PCDH15: variants seen among roughly 807,000 people sequenced by gnomAD.
PCDH15 encodes protocadherin related 15, also known as protocadherin-15.
PCDH15 carries 129 observed loss-of-function variants against 178.5 expected under a neutral mutation model. That is an observed-to-expected ratio of 0.72 (90% confidence interval 0.63 to 0.84). The LOEUF (loss-of-function observed/expected upper bound fraction) is 0.84, where lower values mean the gene tolerates loss of function less well. Among genes scored for constraint, PCDH15 ranks in the 40% least tolerant of loss-of-function variants. The pLI, the probability that PCDH15 is intolerant of heterozygous loss-of-function variation, is 0.00. For synonymous variants in PCDH15, 800 were observed against 732.0 expected, an observed-to-expected ratio of 1.09 and a Z score of -1.50; for missense variants, 2,230 against 2,099.9, an observed-to-expected ratio of 1.06 and a Z score of -1.21.
intron 3 of PCDH15, among the ~76,000 whole-genome samples, chr10:54,390,811 C>T (rs1453466376): frequency 6.6e-6 from 1 of 152,094 alleles, no homozygotes; most frequent in Admixed American, 6.5e-5. Flanking sequence ...GTGAGAGGGT[C>T]TATGTTCACT....
chr10:54,734,722 A>G (rs1490144863), intron 1 of PCDH15, among the ~76,000 whole-genome samples: 1 of 152,004 alleles, frequency 6.6e-6, no homozygotes, highest in Non-Finnish European at 1.5e-5. Flanking sequence ...TTGAGTGGTA[A>G]AAAAAGAACG....
At chr10:55,185,888 C>T (rs991650827) in intron 1 of PCDH15, among the ~76,000 whole-genome samples, 1 of 151,586 alleles carries the variant, frequency 6.6e-6, no homozygotes, top group Non-Finnish European at 1.5e-5. Flanking sequence ...AATATTTATA[C>T]ATTTGAATAT....
intron 18 of PCDH15, among the ~76,000 whole-genome samples, chr10:54,051,184 A>T (rs1370307893): frequency 6.6e-6 from 1 of 152,194 alleles, no homozygotes; most frequent in African/African-American, 2.4e-5. Context: ...TTGGTACCAC[A>T]GAAAGTAGGG....
chr10:53,811,714 A>G, intron 35 of PCDH15, 95 bp from the exon 36 acceptor site: 4 of 663,362 alleles, frequency 6.0e-6, no homozygotes, highest in South Asian at 2.8e-5. Flanking sequence ...CATGATTCTC[A>G]AAACATTCCT....
chr10:55,498,703 T>TA (rs1056604650), intron 2 of PCDH15, among the ~76,000 whole-genome samples: 97 of 151,968 alleles, frequency 6.4e-4, no homozygotes, highest in African/African-American at 2.3e-3. Context: ...ACCTGAACCT[T>TA]AAAGCAGAAA....
chr10:54,709,714 C>A (rs1471722561), intron 1 of PCDH15, among the ~76,000 whole-genome samples: 1 of 143,710 alleles, frequency 7.0e-6, no homozygotes, highest in Non-Finnish European at 1.5e-5. Flanking sequence ...ATTATTTATG[C>A]AGGACATATC....
At chr10:55,099,900 CA>C (rs1842536415) in intron 2 of PCDH15, among the ~76,000 whole-genome samples, 1 of 151,964 alleles carries the variant, frequency 6.6e-6, no homozygotes, top group African/African-American at 2.4e-5. Flanking sequence ...ACATATAAAA[CA>C]AACAGAAGAG....
Position 55,324,758 on chromosome 10 carries a change from A to T in PCDH15, c.-155-158107T>A, listed in dbSNP as rs546309994. ...ATAGACCAAATAGACATCTACAGAAATCTAAAGAGAGAAAGTCAAACTATC... is the reference window on the plus strand; with the variant it reads ...ATAGACCAAATAGACATCTACAGAATTCTAAAGAGAGAAAGTCAAACTATC... On this transcript the variant is annotated intron_variant, in intron 2 of 5. Coordinates refer to the PCDH15 transcript ENST00000613346. 2.4e-4 allele frequency among the ~76,000 whole-genome samples: 36 copies of T among 152,262 alleles called. No homozygotes were observed. The South Asian group carries it at 7.0e-3, about 30-fold the overall frequency.
At chr10:55,510,045 T>C (rs2132150290) in intron 2 of PCDH15, among the ~76,000 whole-genome samples, 1 of 152,122 alleles carries the variant, frequency 6.6e-6, no homozygotes, top group East Asian at 1.9e-4. Flanking sequence ...ACTATGACTT[T>C]TGCTTCTCAT....
At chr10:54,833,776 A>C (rs1953266188) in intron 3 of PCDH15, among the ~76,000 whole-genome samples, 1 of 152,122 alleles carries the variant, frequency 6.6e-6, no homozygotes, top group African/African-American at 2.4e-5. Flanking sequence ...ATTCACAGTC[A>C]ATATATTGTG....
At chr10:54,889,517 ATGATC>A in intron 3 of PCDH15, among the ~76,000 whole-genome samples, 1 of 148,778 alleles carries the variant, frequency 6.7e-6, no homozygotes, top group Admixed American at 6.7e-5. Flanking sequence ...ATATATATAT[ATGATC>A]TATATATACA....
chr10:55,562,626 A>T (rs1378574837), intron 2 of PCDH15, among the ~76,000 whole-genome samples: 1 of 152,024 alleles, frequency 6.6e-6, no homozygotes, highest in East Asian at 1.9e-4. Flanking sequence ...AAAAGATATG[A>T]AATCAATGCT....
At chr10:55,151,066 TGATACA>T (rs1838697074) in intron 2 of PCDH15, among the ~76,000 whole-genome samples, 1 of 152,100 alleles carries the variant, frequency 6.6e-6, no homozygotes, top group African/African-American at 2.4e-5. Flanking sequence ...TATTCAACAA[TGATACA>T]GATTCCATTG....
At chr10:54,360,031 T>C (rs1020220915) in intron 5 of PCDH15, among the ~76,000 whole-genome samples, 2 of 152,134 alleles carry the variant, frequency 1.3e-5, no homozygotes, top group African/African-American at 4.8e-5. Flanking sequence ...GAACTGATGT[T>C]TATGTTTTCG....
chr10:54,744,694 A>G (rs1006461578), intron 1 of PCDH15, among the ~76,000 whole-genome samples: 1 of 152,198 alleles, frequency 6.6e-6, no homozygotes, highest in African/African-American at 2.4e-5. Context: ...ATCAAAATTT[A>G]TATAACAGAA....
chr10:55,251,955 T>G (rs2132224532), intron 1 of PCDH15, among the ~76,000 whole-genome samples: 1 of 151,870 alleles, frequency 6.6e-6, no homozygotes, highest in Admixed American at 6.6e-5. Context: ...CAACAAAAAT[T>G]GGCTACTGGT....
intron 2 of PCDH15, among the ~76,000 whole-genome samples, chr10:55,015,555 AT>A (rs886809211): frequency 3.3e-5 from 5 of 152,186 alleles, no homozygotes; most frequent in Non-Finnish European, 5.9e-5. Context: ...CCTTGGCAAG[AT>A]TATGTTATAT....
chr10:55,520,491 CTGTG>C (rs986343888), intron 2 of PCDH15, among the ~76,000 whole-genome samples: 1 of 133,934 alleles, frequency 7.5e-6, no homozygotes, highest in Non-Finnish European at 1.6e-5. Flanking sequence ...AAATTATTAG[CTGTG>C]TGTGTGTGTG....
At chr10:54,462,096 T>C (rs892723531) in intron 3 of PCDH15, among the ~76,000 whole-genome samples, 4 of 152,130 alleles carry the variant, frequency 2.6e-5, no homozygotes, top group Non-Finnish European at 4.4e-5. Context: ...TTTATGTTAC[T>C]CAGCTTTCAA....
Sources: gnomAD v4.1 joint callset for allele counts (sites outside exome capture counted in the v4.1 genomes callset) on GRCh38, gnomAD v4.1.1 for gene constraint, MANE v1.5 for transcripts, NCBI Gene and HGNC (gene_info 2026-07-23, HGNC 2026-07-21) for gene names.